Variants in CENPE observed in about 807,000 individuals in gnomAD.
The protein encoded by CENPE is centromere protein E, also known as centromere-associated protein E.
Under a neutral mutation model 336.1 loss-of-function variants are expected in CENPE, and 145 were observed. The observed-to-expected ratio is 0.43, with a 90% CI of 0.38 to 0.50. The LOEUF is 0.50. CENPE is among the 20% of genes least tolerant of loss of function. The pLI, the probability that CENPE is intolerant of heterozygous loss-of-function variation, is 0.00. For missense variants in CENPE, 2,719 were observed against 3,023.3 expected, an observed-to-expected ratio of 0.90 and a Z score of 2.36; for synonymous variants, 1,013 against 984.8, an observed-to-expected ratio of 1.03 and a Z score of -0.54.
intron 13 of CENPE, among the ~76,000 whole-genome samples, chr4:103,179,381 T>C (rs1166280165): frequency 6.6e-6 from 1 of 152,226 alleles, no homozygotes; most frequent in East Asian, 1.9e-4. Flanking sequence ...ACGCCCCTGC[T>C]ACTAGAACAT....
At chr4:103,194,515 T>G in intron 6 of CENPE, 74 bp from the exon 7 acceptor site, 1 of 1,459,468 alleles carries the variant, frequency 6.9e-7, no homozygotes, top group Admixed American at 2.1e-5. Context: ...TATTTTAACT[T>G]AAAAAAGTAT....
At chr4:103,110,384 G>A (rs576953552) in intron 47 of CENPE, among the ~76,000 whole-genome samples, 63 of 151,990 alleles carry the variant, frequency 4.1e-4, no homozygotes, top group African/African-American at 1.4e-3. Context: ...ATTATTTAAC[G>A]CTTTTTTTTC....
At chr4:103,176,824 G>C in intron 14 of CENPE, 75 bp downstream of exon 14, 2 of 1,080,572 alleles carry the variant, frequency 1.9e-6, no homozygotes, top group Non-Finnish European at 2.6e-6. Flanking sequence ...CACATTAACT[G>C]AGCTATAAAC....
chr4:103,149,051 C>T (rs745856592), intron 27 of CENPE, 52 bp from the exon 28 acceptor site: 1 of 1,591,674 alleles, frequency 6.3e-7, no homozygotes, highest in South Asian at 1.2e-5. Flanking sequence ...ACATTGCTCC[C>T]CTCTTTCCAA....
intron 1 of CENPE, 62 bp downstream of exon 1, chr4:103,198,202 C>T (rs1454893426): frequency 6.7e-7 from 1 of 1,497,130 alleles, no homozygotes; most frequent in Admixed American, 2.0e-5. Flanking sequence ...AGGCCTCGCC[C>T]CTCCGGCTCA....
At chr4:103,136,109 A>G (rs1338587471) in intron 40 of CENPE, 32 bp downstream of exon 40, 1 of 1,543,358 alleles carries the variant, frequency 6.5e-7, no homozygotes, top group Non-Finnish European at 8.9e-7. Flanking sequence ...TAACTGAAAT[A>G]TTTAAAAGGA....
chr4:103,132,263 T>C (rs1470478627), intron 42 of CENPE, among the ~76,000 whole-genome samples: 2 of 149,062 alleles, frequency 1.3e-5, no homozygotes, highest in African/African-American at 2.5e-5. Context: ...AAACTGCTCT[T>C]AAAAAAAAAA....
At chr4:103,178,464 GTAC>G (rs751449403) in intron 13 of CENPE, among the ~76,000 whole-genome samples, 2 of 152,130 alleles carry the variant, frequency 1.3e-5, no homozygotes, top group Non-Finnish European at 2.9e-5. Context: ...ACTCCTAAGA[GTAC>G]TACCTGCACA....
chr4:103,147,237 A>T, intron 29 of CENPE, 119 bp downstream of exon 29: 1 of 828,008 alleles, frequency 1.2e-6, no homozygotes, highest in Non-Finnish European at 1.9e-6. Flanking sequence ...TTTCATGATT[A>T]AGAGACATTA....
At chr4:103,127,086 C>T (rs1322716727) in intron 42 of CENPE, among the ~76,000 whole-genome samples, 5 of 135,100 alleles carry the variant, frequency 3.7e-5, no homozygotes, top group South Asian at 2.2e-4. Context: ...TAATGCTAAA[C>T]GGGACAAATA....
At chr4:103,145,758 A>G (rs1752999716) in intron 30 of CENPE, 71 bp downstream of exon 30, 1 of 1,518,472 alleles carries the variant, frequency 6.6e-7, no homozygotes, top group South Asian at 1.3e-5. Context: ...CCCCTTTCCA[A>G]ATATTTAGGG....
In CENPE at chr4:103,142,258, T is replaced by C. The variant is rs572774672; in HGVS notation, c.5305-350A>G. 2.0e-5 allele frequency among the ~76,000 whole-genome samples: 3 copies of C among 152,364 alleles called. No homozygotes were observed. In the South Asian group the frequency reaches 6.2e-4, roughly 32 times the overall value. ...GGCATATGTATACGTTGTGTTTGTA[T>C]ATACACACACACTCCTTTAACAGTA... On this transcript the variant is annotated intron_variant, in intron 34 of 48. Coordinates refer to ENST00000265148, the MANE Select transcript of CENPE (RefSeq NM_001813.3).
Position 103,195,240 on chromosome 4 carries a change from G to T in CENPE, c.358-7C>A. Reference sequence around the variant, plus strand: ...GAAATTCCCTATCAGGAAACTAGAAGAAAAAAAATTATATAAAAACACCAG... The same window carrying T: ...GAAATTCCCTATCAGGAAACTAGAATAAAAAAAATTATATAAAAACACCAG... On this transcript the variant is annotated splice_region_variant and splice_polypyrimidine_tract_variant and intron_variant, in intron 4 of 48. Transcript: ENST00000265148. The T allele has an allele frequency of 6.4e-7, 1 of 1,563,294 alleles. No homozygotes were observed.
At position 103,155,732 on chromosome 4, in the gene CENPE, T is replaced by TA. The variant is rs34821858; in HGVS notation, c.3034-2483dup. On this transcript the variant is annotated intron_variant, in intron 24 of 48. Transcript: ENST00000265148. ...GAACTAAAGCATAAGGAGATGGAAA[T>TA]AAAAAAAAAGTTCCATTTTCCAAGG... is the stretch of plus-strand genomic sequence containing the variant. Among the ~76,000 whole-genome samples, 2,340 of 151,032 alleles carry TA rather than the reference T, an allele frequency of 0.015. 134 individuals are homozygous for TA. In the East Asian group the frequency reaches 0.18, roughly 12 times the overall value.
At chr4:103,108,725 T>C in intron 48 of CENPE, 78 bp downstream of exon 48, 2 of 1,307,946 alleles carry the variant, frequency 1.5e-6, no homozygotes, top group Non-Finnish European at 2.1e-6. Context: ...TATCTAAACT[T>C]GCCCTTTGGG....
intron 42 of CENPE, among the ~76,000 whole-genome samples, chr4:103,124,559 C>A (rs1474269307): frequency 2.0e-5 from 3 of 152,176 alleles, no homozygotes; most frequent in Non-Finnish European, 1.5e-5. Context: ...TGCTTCATTA[C>A]AAACCTCAAT....
chr4:103,179,679 C>A (rs1215558106), intron 13 of CENPE, among the ~76,000 whole-genome samples: 1 of 152,170 alleles, frequency 6.6e-6, no homozygotes, highest in Non-Finnish European at 1.5e-5. Context: ...TCAAGCTATT[C>A]CACACTGCTA....
chr4:103,153,371 T>C, intron 24 of CENPE, 121 bp from the exon 25 acceptor site: 1 of 643,280 alleles, frequency 1.6e-6, no homozygotes, highest in Non-Finnish European at 2.6e-6. Flanking sequence ...TTAACACATT[T>C]AATCTTGACA....
rs754888751 is a variant in CENPE, at chr4:103,180,394, G to A, written c.1159C>T (p.Gln387Ter). 6.2e-7 allele frequency: 1 copy of A among 1,613,074 alleles called. No homozygotes were observed. Among genetic ancestry groups the A allele is most frequent in the Non-Finnish European group, 8.5e-7 (1 of 1,179,410 alleles). Residue 387 changes from glutamine to a stop codon, truncating the protein, a stop_gained, in exon 13 of 49, where the codon CAG becomes TAG. Coordinates refer to ENST00000265148, the MANE Select transcript of CENPE (RefSeq NM_001813.3). LOFTEE classifies it high-confidence loss of function. ...TCAATTTTCTCATTCTGTACTTTCT[G>A]AAGCAAATCTTTTTCTTCCAAAAGT... ...AQLLEEKDLL[Q>*]KVQNEKIENL...
Sources: allele counts gnomAD v4.1 joint callset (sites outside exome capture counted in the v4.1 genomes callset), GRCh38; gene constraint gnomAD v4.1.1; transcripts MANE v1.5; gene names NCBI Gene and HGNC (gene_info 2026-07-23, HGNC 2026-07-21).